FRMD8: variants seen among roughly 807,000 people sequenced by gnomAD.
FRMD8 encodes FERM domain containing 8.
A neutral mutation model predicts 54.2 loss-of-function variants in FRMD8; 37 were observed. The ratio of observed to expected loss-of-function variants is 0.68; its 90% confidence interval spans 0.53 to 0.90. The LOEUF is 0.90. FRMD8 is among the 40% of genes least tolerant of loss of function. FRMD8 has a pLI of 0.00. For synonymous variants in FRMD8, 246 were observed against 286.9 expected (o/e 0.86, Z 1.44); for missense variants, 585 against 653.7 (o/e 0.89, Z 1.15).
the FRMD8 span, among the ~76,000 whole-genome samples, chr11:65,373,688 A>G: frequency 6.6e-6 from 1 of 152,116 alleles, no homozygotes; most frequent in African/African-American, 2.4e-5. Context: ...CCAGGTTCAA[A>G]CAGTCCTCCC....
At chr11:65,374,228 G>T in the FRMD8 span, among the ~76,000 whole-genome samples, 486 of 152,186 alleles carry the variant, frequency 3.2e-3, 2 homozygotes, top group African/African-American at 0.011. Context: ...TGATGAGCAC[G>T]TGACGTAGTA....
At position 65,412,178 on chromosome 11, in the gene FRMD8, G is replaced by C. The variant is rs1286207964; in HGVS notation, c.*818G>C. 1 of 152,312 alleles carries C rather than the reference G, an allele frequency of 6.6e-6. No homozygotes were observed. The highest frequency in any genetic ancestry group is 1.5e-5 in the Non-Finnish European group (1 of 68,106). 9.4% of individuals were successfully genotyped at this position (152,312 alleles called of 1,614,324 possible). ...GCCTCCAGACCCACACTCACAGTCT[G>C]TGAAAAACTGAAAATCCCCTGGTGG... On this transcript the variant is annotated 3_prime_UTR_variant, in exon 11 of 11. Transcript: ENST00000317568.
chr11:65,381,761 T>A (rs1370460900), upstream of FRMD8: 2 of 876,574 alleles, frequency 2.3e-6, no homozygotes, highest in Non-Finnish European at 3.8e-6. Flanking sequence ...CCTCCCTATG[T>A]TGCCCAGACT....
chr11:65,396,921 G>A lies in FRMD8; in HGVS notation c.704G>A (p.Arg235His), dbSNP rs746453341. The part of the protein sequence containing the change: ...PGEQGLLNAY[R>H]QVQEVSSDGG... ...GAGCAGGGCCTGCTGAACGCCTACC[G>A]CCAGGTGCAGGAGGTCAGCAGCGAC... Residue 235 changes from arginine (R) to histidine (H), a missense_variant, in exon 7 of 11, where the codon CGC becomes CAC. Transcript: ENST00000317568. 1.5e-5 allele frequency: 23 copies of A among 1,550,378 alleles called. No homozygotes were observed. Among genetic ancestry groups the A allele is most frequent in the Non-Finnish European group, 1.8e-5 (21 of 1,147,212 alleles).
intron 1 of FRMD8, 55 bp from the exon 2 acceptor site, chr11:65,386,982 C>A: frequency 6.6e-7 from 1 of 1,506,770 alleles, no homozygotes; most frequent in Non-Finnish European, 9.1e-7. Context: ...TTGAGGAGAC[C>A]TCCAGCCCCC....
At chr11:65,410,199 C>T (rs1856298505) in intron 10 of FRMD8, among the ~76,000 whole-genome samples, 1 of 151,984 alleles carries the variant, frequency 6.6e-6, no homozygotes, top group South Asian at 2.1e-4. Flanking sequence ...CCTGTCTCTA[C>T]CAAAAATACA....
the FRMD8 span, among the ~76,000 whole-genome samples, chr11:65,370,949 G>A: frequency 6.6e-6 from 1 of 152,188 alleles, no homozygotes; most frequent in African/African-American, 2.4e-5. Context: ...AGAGGAGTTA[G>A]AGACTCTTTT....
chr11:65,383,197 A>T (rs1855654165), upstream of FRMD8: 1 of 152,744 alleles, frequency 6.5e-6, no homozygotes, highest in Non-Finnish European at 1.5e-5. Flanking sequence ...CTAGTCTCCC[A>T]TGGGGGACGC....
chr11:65,406,360 A>G (rs1856196887), intron 10 of FRMD8, among the ~76,000 whole-genome samples: 1 of 151,822 alleles, frequency 6.6e-6, no homozygotes, highest in African/African-American at 2.4e-5. Flanking sequence ...ACGCCCGGCT[A>G]CTTTTTTGTA....
At chr11:65,392,544 G>A (rs1205451265) in intron 3 of FRMD8, among the ~76,000 whole-genome samples, 1 of 152,200 alleles carries the variant, frequency 6.6e-6, no homozygotes, top group African/African-American at 2.4e-5. Context: ...GGGTGCTGGT[G>A]TGTGAGCTGA....
At chr11:65,378,950 GC>G in the FRMD8 span, 2 of 188,124 alleles carry the variant, frequency 1.1e-5, no homozygotes, top group Non-Finnish European at 2.2e-5. Context: ...GTAGAGCCAG[GC>G]AGGGCCAGGG....
chr11:65,371,770 A>T, the FRMD8 span, among the ~76,000 whole-genome samples: 3 of 152,158 alleles, frequency 2.0e-5, no homozygotes, highest in Non-Finnish European at 4.4e-5. Context: ...GCGTGCCACC[A>T]TGCCCGGCTA....
chr11:65,372,484 T>C, the FRMD8 span, among the ~76,000 whole-genome samples: 3 of 152,170 alleles, frequency 2.0e-5, no homozygotes, highest in African/African-American at 7.2e-5. Context: ...AAAGGTGGAG[T>C]TTAGAGGACG....
At chr11:65,372,222 T>G in the FRMD8 span, among the ~76,000 whole-genome samples, 2 of 152,184 alleles carry the variant, frequency 1.3e-5, no homozygotes, top group East Asian at 3.8e-4. Context: ...AACATCTAGA[T>G]TTTTAGAATC....
chr11:65,390,302 G>T (rs1855818101), intron 3 of FRMD8, among the ~76,000 whole-genome samples: 1 of 152,138 alleles, frequency 6.6e-6, no homozygotes, highest in South Asian at 2.1e-4. Flanking sequence ...GCACAGGAGG[G>T]GGCCAAGGGA....
At chr11:65,396,643 G>A (rs7940559) in intron 6 of FRMD8, among the ~76,000 whole-genome samples, 156 bp from the exon 7 acceptor site, 64,423 of 152,030 alleles carry the variant, frequency 0.42, 14,805 homozygotes, top group African/African-American at 0.59. Context: ...CCCTCTGTCT[G>A]GTGCCTGGGT....
the FRMD8 span, chr11:65,379,598 T>TG: frequency 6.4e-7 from 1 of 1,567,336 alleles, no homozygotes; most frequent in South Asian, 1.2e-5. Flanking sequence ...GTAGGCACCG[T>TG]GGGGCCTCCC....
intron 10 of FRMD8, among the ~76,000 whole-genome samples, chr11:65,406,326 C>T (rs773852319): frequency 1.1e-4 from 17 of 151,822 alleles, no homozygotes; most frequent in African/African-American, 1.7e-4. Flanking sequence ...TCCTAAGTAG[C>T]TGGAACTACA....
chr11:65,384,506 C>G (rs545850903), upstream of FRMD8, among the ~76,000 whole-genome samples: 1 of 152,148 alleles, frequency 6.6e-6, no homozygotes, highest in African/African-American at 2.4e-5. Context: ...TTAGTGAGTT[C>G]TAAGGATTAA....
Sources: gnomAD v4.1 joint callset for allele counts (sites outside exome capture counted in the v4.1 genomes callset) on GRCh38, gnomAD v4.1.1 for gene constraint, MANE v1.5 for transcripts, NCBI Gene and HGNC (gene_info 2026-07-23, HGNC 2026-07-21) for gene names.